MSRA: variants seen among roughly 807,000 people sequenced by gnomAD.
MSRA encodes the protein methionine sulfoxide reductase A.
In MSRA, 54 loss-of-function variants were observed where a neutral mutation model predicts 31.3. That is an observed-to-expected ratio of 1.73 (90% CI 1.39 to 2.17). The LOEUF is 2.17. MSRA is among the 30% of genes most tolerant of loss of function. The pLI, the probability that MSRA is intolerant of heterozygous loss-of-function variation, is 0.00. For synonymous variants in MSRA, 169 were observed against 116.5 expected, an observed-to-expected ratio of 1.45 and a Z score of -2.90; for missense variants, 507 against 300.9, an observed-to-expected ratio of 1.69 and a Z score of -5.07.
At chr8:10,175,676 G>C (rs899842866) in intron 1 of MSRA, among the ~76,000 whole-genome samples, 1 of 152,154 alleles carries the variant, frequency 6.6e-6, no homozygotes, top group South Asian at 2.1e-4. Flanking sequence ...ATGAATACCT[G>C]ACTTATTTAA....
intron 3 of MSRA, among the ~76,000 whole-genome samples, chr8:10,291,876 G>C (rs75007276): frequency 1.3e-5 from 2 of 152,146 alleles, no homozygotes; most frequent in African/African-American, 4.8e-5. Context: ...TTATTTTAAA[G>C]ATCAGTTTCT....
chr8:10,354,416 A>T (rs1332028558), intron 5 of MSRA, among the ~76,000 whole-genome samples: 3 of 152,172 alleles, frequency 2.0e-5, no homozygotes, highest in Admixed American at 1.3e-4. Context: ...GTTTCTAAGG[A>T]GCTTTCTGGA....
At chr8:10,188,232 G>A (rs576618422) in intron 1 of MSRA, among the ~76,000 whole-genome samples, 1 of 152,286 alleles carries the variant, frequency 6.6e-6, no homozygotes, top group South Asian at 2.1e-4. Context: ...ATCTTATTTG[G>A]ATTTCACCAG....
At position 10,169,967 on chromosome 8, in the gene MSRA, G is replaced by C. The variant is rs182106461; in HGVS notation, c.143-37866G>C. On this transcript the variant is annotated intron_variant, in intron 1 of 5. Coordinates refer to ENST00000317173, the MANE Select transcript of MSRA (RefSeq NM_012331.5). ...TTTCACTCTTGTCACCCAGGCTAGA[G>C]TACAGTGACGCAATCTTGGCTCACT... 3.7e-4 allele frequency among the ~76,000 whole-genome samples: 53 copies of C among 141,670 alleles called. No individual in the cohort carries two copies. In the South Asian group the frequency reaches 4.5e-3, roughly 12 times the overall value. The allele number at this position is 141,670 out of a possible 152,430, so 92.9% of individuals were successfully genotyped here. A position where few individuals can be genotyped will look rare whatever the true frequency, so the allele number is the denominator to read the frequency against.
At chr8:10,277,423 A>G (rs1410036579) in intron 3 of MSRA, among the ~76,000 whole-genome samples, 10 of 152,178 alleles carry the variant, frequency 6.6e-5, no homozygotes, top group Non-Finnish European at 1.0e-4. Flanking sequence ...GCCTCTTTCC[A>G]TATTTCTAAG....
intron 2 of MSRA, among the ~76,000 whole-genome samples, chr8:10,239,205 A>C (rs1459969512): frequency 3.9e-5 from 6 of 152,002 alleles, no homozygotes. Context: ...CTCTGTTGCC[A>C]GGCTGGAGTG....
At chr8:10,298,329 G>A (rs914002651) in intron 3 of MSRA, among the ~76,000 whole-genome samples, 26 of 152,180 alleles carry the variant, frequency 1.7e-4, no homozygotes, top group African/African-American at 5.8e-4. Flanking sequence ...AACAACATGG[G>A]TGAACCTTGA....
At chr8:10,095,751 C>T (rs1799111040) in intron 1 of MSRA, 2 of 1,136,356 alleles carry the variant, frequency 1.8e-6, no homozygotes, top group Non-Finnish European at 2.2e-6. Flanking sequence ...TTTTAAGTCT[C>T]TTGGGCTATT....
intron 2 of MSRA, among the ~76,000 whole-genome samples, chr8:10,238,973 G>A (rs1350328762): frequency 1.3e-5 from 2 of 152,236 alleles, no homozygotes; most frequent in East Asian, 3.9e-4. Flanking sequence ...AATCAGATAT[G>A]AGGTAATATC....
chr8:10,212,623 A>C (rs571113097), intron 2 of MSRA, among the ~76,000 whole-genome samples: 1 of 152,206 alleles, frequency 6.6e-6, no homozygotes, highest in Non-Finnish European at 1.5e-5. Flanking sequence ...GTGATACTTC[A>C]ATAAGAGTGA....
intron 1 of MSRA, among the ~76,000 whole-genome samples, chr8:10,117,612 TATAG>T (rs1231300128): frequency 2.0e-5 from 3 of 152,216 alleles, no homozygotes; most frequent in Non-Finnish European, 2.9e-5. Flanking sequence ...TATATATAGA[TATAG>T]ATAGTCTGTA....
intron 1 of MSRA, among the ~76,000 whole-genome samples, chr8:10,101,688 T>G (rs969428044): frequency 1.3e-5 from 2 of 152,234 alleles, no homozygotes; most frequent in African/African-American, 4.8e-5. Flanking sequence ...GTCCTCAGGA[T>G]TCATACATGT....
intron 5 of MSRA, among the ~76,000 whole-genome samples, chr8:10,396,684 G>A (rs1322906545): frequency 6.6e-6 from 1 of 152,194 alleles, no homozygotes. Flanking sequence ...CTTTCCCCAA[G>A]GGAACTGCCC....
At chr8:10,113,288 TC>T (rs1800423364) in intron 1 of MSRA, among the ~76,000 whole-genome samples, 2 of 102,418 alleles carry the variant, frequency 2.0e-5, no homozygotes, top group Admixed American at 1.1e-4. Flanking sequence ...TGAAGACAGG[TC>T]TTCTTTTTTT....
chr8:10,311,106 C>G (rs925028347), intron 4 of MSRA, among the ~76,000 whole-genome samples: 2 of 152,140 alleles, frequency 1.3e-5, no homozygotes, highest in Admixed American at 1.3e-4. Context: ...TGAATTAGGT[C>G]ACAGAAAAAT....
intron 1 of MSRA, among the ~76,000 whole-genome samples, chr8:10,115,459 G>A (rs953611039): frequency 7.2e-5 from 11 of 152,148 alleles, no homozygotes; most frequent in African/African-American, 2.4e-4. Flanking sequence ...GAGGGAGCAG[G>A]GCCCCTCCAG....
intron 5 of MSRA, among the ~76,000 whole-genome samples, chr8:10,421,452 A>G (rs1466548025): frequency 6.6e-6 from 1 of 151,946 alleles, no homozygotes; most frequent in Non-Finnish European, 1.5e-5. Context: ...ACTGGTGCCC[A>G]CTGCCACCTG....
chr8:10,066,781 T>G (rs1797474453), intron 1 of MSRA, among the ~76,000 whole-genome samples: 1 of 152,090 alleles, frequency 6.6e-6, no homozygotes, highest in Admixed American at 6.5e-5. Context: ...GTGATCCGCC[T>G]ACCTCACCCT....
At chr8:10,148,779 G>A (rs1220291587) in intron 1 of MSRA, among the ~76,000 whole-genome samples, 1 of 149,522 alleles carries the variant, frequency 6.7e-6, no homozygotes, top group African/African-American at 2.5e-5. Context: ...TCTATCCTGG[G>A]TGAAAGAGTG....
Sources: allele counts gnomAD v4.1 joint callset (sites outside exome capture counted in the v4.1 genomes callset), GRCh38; gene constraint gnomAD v4.1.1; transcripts MANE v1.5; gene names NCBI Gene and HGNC (gene_info 2026-07-23, HGNC 2026-07-21).